The following RNF217 variants were observed in gnomAD, a reference collection of about 807,000 sequenced individuals.
The protein encoded by RNF217 is E3 ubiquitin-protein ligase RNF217.
In RNF217, 31 loss-of-function variants were observed where a neutral mutation model predicts 57.8. That is an observed-to-expected ratio of 0.54 (90% CI 0.40 to 0.72). The LOEUF (loss-of-function observed/expected upper bound fraction) is 0.72. Among genes scored for constraint, RNF217 ranks in the 30% least tolerant of loss-of-function variants. The probability of loss-of-function intolerance (pLI) is 0.00; values close to 1 mark genes in which losing one functional copy is unlikely to be tolerated. For missense variants in RNF217, 696 were observed against 708.3 expected (o/e 0.98, Z 0.20); for synonymous variants, 313 against 294.0 (o/e 1.06, Z -0.66).
At chr6:125,033,822 G>C (rs568533079) in intron 1 of RNF217, among the ~76,000 whole-genome samples, 15 of 152,144 alleles carry the variant, frequency 9.9e-5, no homozygotes, top group South Asian at 6.2e-4. Flanking sequence ...CTGTGTAAAA[G>C]TGTTCCTATT....
intron 1 of RNF217, among the ~76,000 whole-genome samples, chr6:125,015,950 G>A (rs1215487896): frequency 3.3e-5 from 5 of 152,110 alleles, no homozygotes; most frequent in Non-Finnish European, 5.9e-5. Flanking sequence ...AGCATAAGTA[G>A]ATCTTAAAAA....
chr6:125,045,732 A>T (rs1787072434), intron 2 of RNF217, among the ~76,000 whole-genome samples: 1 of 152,104 alleles, frequency 6.6e-6, no homozygotes, highest in Non-Finnish European at 1.5e-5. Flanking sequence ...ACTACCAAAT[A>T]CTAAATAAAT....
chr6:124,988,413 G>C (rs1784434679), intron 1 of RNF217, among the ~76,000 whole-genome samples: 1 of 152,146 alleles, frequency 6.6e-6, no homozygotes, highest in Non-Finnish European at 1.5e-5. Flanking sequence ...AGGATATTCA[G>C]CTTCTACTCA....
intron 1 of RNF217, among the ~76,000 whole-genome samples, chr6:125,036,258 A>G (rs1035508699): frequency 6.6e-6 from 1 of 152,106 alleles, no homozygotes. Flanking sequence ...ACGTGAACTC[A>G]TTCTTTTTTA....
rs746495340 is a variant in RNF217 at position 125,048,298 on chromosome 6, G to A, written c.1116+2854G>A. On this transcript the variant is annotated intron_variant, in intron 2 of 5. Transcript: ENST00000521654. ...ATTTTGCAGTATTTTTAAAAATTCA[G>A]TTTCCCTAATAAAATAAGGTAGTTC... 53 of 1,305,268 alleles carry A rather than the reference G, an allele frequency of 4.1e-5. No homozygotes were observed. In the African/African-American group the frequency reaches 7.0e-4, roughly 17 times the overall value. The allele number at this position is 1,305,268 out of a possible 1,614,324, so 80.9% of individuals were successfully genotyped here. A position where few individuals can be genotyped will look rare whatever the true frequency, so the allele number is the denominator to read the frequency against.
intron 1 of RNF217, among the ~76,000 whole-genome samples, chr6:124,969,278 T>C (rs1028561449): frequency 7.2e-5 from 11 of 152,242 alleles, no homozygotes; most frequent in Admixed American, 7.2e-4. Flanking sequence ...TTTGTTCATT[T>C]CAAAATATTT....
At chr6:125,009,370 A>C in intron 1 of RNF217, 1 of 843,470 alleles carries the variant, frequency 1.2e-6, no homozygotes, top group Non-Finnish European at 2.0e-6. Context: ...AAGCCCTCTC[A>C]CAGACATAGA....
intron 1 of RNF217, among the ~76,000 whole-genome samples, chr6:124,980,995 A>G (rs767284469): frequency 6.6e-6 from 1 of 152,208 alleles, no homozygotes; most frequent in Non-Finnish European, 1.5e-5. Context: ...ACGTTTGTTT[A>G]ATTACTGATT....
intron 1 of RNF217, among the ~76,000 whole-genome samples, chr6:124,980,834 T>C (rs1350929797): frequency 1.3e-5 from 2 of 152,222 alleles, no homozygotes; most frequent in Non-Finnish European, 2.9e-5. Flanking sequence ...ACACTCTATA[T>C]TGATCATAAA....
intron 1 of RNF217, among the ~76,000 whole-genome samples, chr6:125,001,001 T>G (rs550800597): frequency 6.6e-6 from 1 of 152,244 alleles, no homozygotes; most frequent in South Asian, 2.1e-4. Flanking sequence ...AAAATGACCT[T>G]GGAATATAGA....
intron 2 of RNF217, among the ~76,000 whole-genome samples, chr6:125,054,717 C>G (rs552587127): frequency 2.0e-5 from 3 of 152,182 alleles, no homozygotes; most frequent in African/African-American, 7.2e-5. Flanking sequence ...GATGCAGTCA[C>G]ATGGTATAGA....
intron 1 of RNF217, among the ~76,000 whole-genome samples, chr6:124,988,478 G>T (rs767256229): frequency 6.6e-6 from 1 of 152,150 alleles, no homozygotes; most frequent in Non-Finnish European, 1.5e-5. Context: ...AATTTTATAA[G>T]TGACACTGTT....
At position 125,081,492 on chromosome 6, in the gene RNF217, A is replaced by G; in HGVS notation, c.1540A>G (p.Ile514Val). 6.2e-7 allele frequency: 1 copy of G among 1,611,234 alleles called. No individual in the cohort carries two copies. Among genetic ancestry groups the G allele is most frequent in the South Asian group, 1.1e-5 (1 of 90,938 alleles). ...GGTTTTGGGATTGGCACTAGGGGCC[A>G]TAGCGGTTGTAATCGGTAAGAAACA... Reference protein sequence around the residue: ...IMVLGLALGAIAVVIGLFVFP... With the variant: ...IMVLGLALGAVAVVIGLFVFP... The change falls in exon 5 of 6, where the codon ATA becomes GTA. Residue 514 changes from isoleucine (I) to valine (V), a missense_variant. By Grantham distance (29) the Ile-to-Val change is conservative. Around this residue, in one of 2 missense-constraint regions of RNF217, gnomAD observed 231 missense variants for 321.4 expected, o/e 0.72. Coordinates refer to ENST00000521654, the MANE Select transcript of RNF217 (RefSeq NM_001286398.3).
At chr6:124,965,940 G>C (rs1783521536) in intron 1 of RNF217, among the ~76,000 whole-genome samples, 1 of 152,142 alleles carries the variant, frequency 6.6e-6, no homozygotes, top group Non-Finnish European at 1.5e-5. Context: ...CTACAGCGTT[G>C]TCTGGTATAT....
intron 1 of RNF217, among the ~76,000 whole-genome samples, chr6:124,973,276 A>AGAGT (rs1448268219): frequency 1.6e-4 from 24 of 152,294 alleles, no homozygotes; most frequent in Admixed American, 7.2e-4. Context: ...TTCAAGCCAT[A>AGAGT]GAGTGTTCTT....
intron 1 of RNF217, among the ~76,000 whole-genome samples, chr6:124,988,984 G>A (rs968712403): frequency 6.6e-6 from 1 of 151,980 alleles, no homozygotes; most frequent in African/African-American, 2.4e-5. Flanking sequence ...TTGAACAGGG[G>A]TATCACCAAA....
chr6:125,035,624 T>C (rs1320782113), intron 1 of RNF217, among the ~76,000 whole-genome samples: 3 of 152,220 alleles, frequency 2.0e-5, no homozygotes, highest in African/African-American at 7.2e-5. Flanking sequence ...TTCTTCTCTC[T>C]TAAAAATATT....
In RNF217 at chr6:125,058,019, G is replaced by C; in HGVS notation, c.1194G>C (p.Glu398Asp). 6.2e-7 allele frequency: 1 copy of C among 1,613,524 alleles called. No individual in the cohort carries two copies. The highest frequency in any genetic ancestry group is 2.2e-5 in the East Asian group (1 of 44,818). ...GGCATGAAGGTGTTAACTGCAAGGA[G>C]TACAAAAAAGGAGACAAATTGTTGC... ...SPWHEGVNCK[E>D]YKKGDKLLRH... Residue 398 changes from glutamate (E) to aspartate (D), a missense_variant, in exon 3 of 6, where the codon GAG becomes GAC. By Grantham distance (45) the Glu-to-Asp change is conservative. This residue lies in a region of RNF217 where 231 missense variants were observed against 321.4 expected (regional missense o/e 0.72). Coordinates refer to ENST00000521654, the MANE Select transcript of RNF217 (RefSeq NM_001286398.3).
At chr6:124,983,475 C>T (rs1274865955) in intron 1 of RNF217, 1 of 984,456 alleles carries the variant, frequency 1.0e-6, no homozygotes, top group African/African-American at 1.7e-5. Context: ...GATTTATGTC[C>T]TCACTTGTCA....
Sources: allele counts gnomAD v4.1 joint callset (sites outside exome capture counted in the v4.1 genomes callset), GRCh38; gene constraint gnomAD v4.1.1; regional missense constraint gnomAD v4.1.1; transcripts MANE v1.5; gene names NCBI Gene and HGNC (gene_info 2026-07-23, HGNC 2026-07-21).